TENM3: variants seen among roughly 807,000 people sequenced by gnomAD.
TENM3 encodes teneurin-3.
A neutral mutation model predicts 255.1 loss-of-function variants in TENM3; 63 were observed. The ratio of observed to expected loss-of-function variants is 0.25; its 90% CI spans 0.20 to 0.30. The LOEUF (loss-of-function observed/expected upper bound fraction) is 0.30. Ranked by LOEUF, TENM3 falls within the 10% of genes least tolerant of loss-of-function variation. The pLI is 1.00. For missense variants in TENM3, 2,929 were observed against 3,461.1 expected (o/e 0.85, Z 3.86); for synonymous variants, 1,306 against 1,322.3 (o/e 0.99, Z 0.27).
At chr4:182,125,496 G>A in the TENM3 span, among the ~76,000 whole-genome samples, 11 of 152,264 alleles carry the variant, frequency 7.2e-5, no homozygotes, top group Admixed American at 2.0e-4. Flanking sequence ...AAATGCCACC[G>A]TAAAATGAAG....
At chr4:181,963,821 A>G in the TENM3 span, among the ~76,000 whole-genome samples, 1 of 152,178 alleles carries the variant, frequency 6.6e-6, no homozygotes, top group East Asian at 1.9e-4. Flanking sequence ...CATTTTAGGT[A>G]TTCACATGGA....
At chr4:182,332,283 A>G (rs1580186995) in intron 2 of TENM3, among the ~76,000 whole-genome samples, 2 of 152,356 alleles carry the variant, frequency 1.3e-5, no homozygotes, top group South Asian at 4.1e-4. Flanking sequence ...ATCAAGAGCA[A>G]TGAAAATTCT....
At chr4:182,755,609 C>A (rs1217370818) in intron 22 of TENM3, among the ~76,000 whole-genome samples, 1 of 151,974 alleles carries the variant, frequency 6.6e-6, no homozygotes, top group Admixed American at 6.5e-5. Flanking sequence ...GAGGCCGAGG[C>A]GGGCGGATCA....
the TENM3 span, among the ~76,000 whole-genome samples, chr4:181,548,496 C>T: frequency 5.5e-3 from 833 of 152,238 alleles, 7 homozygotes; most frequent in African/African-American, 0.019. Flanking sequence ...AAAATGATAT[C>T]CCAACTTTTT....
At chr4:182,606,253 G>T (rs1475096170) in intron 4 of TENM3, among the ~76,000 whole-genome samples, 2 of 152,156 alleles carry the variant, frequency 1.3e-5, no homozygotes, top group Non-Finnish European at 2.9e-5. Flanking sequence ...GCCGGGCGTG[G>T]TGGCTCACGC....
the TENM3 span, among the ~76,000 whole-genome samples, chr4:181,918,895 A>T: frequency 1.1e-4 from 17 of 152,318 alleles, no homozygotes; most frequent in South Asian, 3.5e-3. Context: ...ACAAAAAATA[A>T]ATAATAAATT....
chr4:182,483,717 G>A (rs2151529872), intron 3 of TENM3, among the ~76,000 whole-genome samples: 1 of 152,208 alleles, frequency 6.6e-6, no homozygotes, highest in South Asian at 2.1e-4. Flanking sequence ...AAGAAAAGGG[G>A]TTTCATTGGC....
At chr4:181,537,668 A>T in the TENM3 span, among the ~76,000 whole-genome samples, 1,390 of 152,312 alleles carry the variant, frequency 9.1e-3, 22 homozygotes, top group African/African-American at 0.031. Context: ...CATTAACTTG[A>T]TTTTACAGTT....
At chr4:182,527,046 G>A (rs1739275527) in intron 3 of TENM3, among the ~76,000 whole-genome samples, 1 of 151,828 alleles carries the variant, frequency 6.6e-6, no homozygotes, top group Non-Finnish European at 1.5e-5. Flanking sequence ...AATGAAATGT[G>A]GATAATTATA....
At chr4:182,543,572 G>T (rs968439493) in intron 3 of TENM3, among the ~76,000 whole-genome samples, 5 of 151,934 alleles carry the variant, frequency 3.3e-5, no homozygotes, top group African/African-American at 1.2e-4. Flanking sequence ...CCTCATCTAG[G>T]CATCTGTTCC....
chr4:182,543,971 A>T (rs1741162131), intron 3 of TENM3, among the ~76,000 whole-genome samples: 1 of 152,172 alleles, frequency 6.6e-6, no homozygotes, highest in Non-Finnish European at 1.5e-5. Flanking sequence ...TAAGAACCAG[A>T]ATATTGTGTA....
In TENM3 at chr4:182,614,726, C is replaced by T. The variant is rs1749313977; in HGVS notation, c.749+13565C>T. Among the ~76,000 whole-genome samples the T allele has an allele frequency of 3.3e-5, 5 of 152,260 alleles. No individual in the cohort carries two copies. The East Asian group carries it at 7.7e-4, about 24-fold the overall frequency. On this transcript the variant is annotated intron_variant, in intron 4 of 27. Coordinates refer to ENST00000511685, the MANE Select transcript of TENM3 (RefSeq NM_001080477.4). ...CTCTTTAAGTTCTCCTGCACACACTCTCGAAAGCATGTTTTAAAATTATTT... is the reference window on the plus strand; with the variant it reads ...CTCTTTAAGTTCTCCTGCACACACTTTCGAAAGCATGTTTTAAAATTATTT...
chr4:181,458,720 G>A, the TENM3 span, among the ~76,000 whole-genome samples: 19 of 151,674 alleles, frequency 1.3e-4, no homozygotes, highest in East Asian at 1.9e-4. Context: ...TTTCTTCCTT[G>A]CATGGTAATA....
At chr4:181,886,186 G>A in the TENM3 span, among the ~76,000 whole-genome samples, 1 of 151,938 alleles carries the variant, frequency 6.6e-6, no homozygotes, top group Non-Finnish European at 1.5e-5. Flanking sequence ...CTGAGTAGCT[G>A]GGACTACAGG....
chr4:182,256,070 T>G (rs17072936), intron 1 of TENM3, among the ~76,000 whole-genome samples: 42,300 of 152,064 alleles, frequency 0.28, 6,061 homozygotes, highest in Middle Eastern at 0.34. Context: ...TGCCCACTCT[T>G]CACTGTCTCT....
chr4:181,601,196 C>T, the TENM3 span, among the ~76,000 whole-genome samples: 2 of 152,298 alleles, frequency 1.3e-5, no homozygotes, highest in Middle Eastern at 3.4e-3. Context: ...AATTTATCTT[C>T]TCCCAGTTCT....
At chr4:182,317,652 T>G (rs1175889245) in intron 1 of TENM3, among the ~76,000 whole-genome samples, 1 of 152,094 alleles carries the variant, frequency 6.6e-6, no homozygotes, top group Non-Finnish European at 1.5e-5. Flanking sequence ...TAGATTCTCT[T>G]GTGTTCTACT....
the TENM3 span, among the ~76,000 whole-genome samples, chr4:181,831,780 T>C: frequency 1.5e-3 from 221 of 152,106 alleles, 1 homozygote; most frequent in African/African-American, 5.2e-3. Context: ...CCAGCTAATA[T>C]GTAATCAGTT....
chr4:182,314,173 C>T (rs912572826), intron 1 of TENM3, among the ~76,000 whole-genome samples: 2 of 152,004 alleles, frequency 1.3e-5, no homozygotes, highest in Non-Finnish European at 2.9e-5. Context: ...CTTTGGCAAG[C>T]GCCTGTAGTC....
Sources: allele counts gnomAD v4.1 joint callset (sites outside exome capture counted in the v4.1 genomes callset), GRCh38; gene constraint gnomAD v4.1.1; transcripts MANE v1.5; gene names NCBI Gene and HGNC (gene_info 2026-07-23, HGNC 2026-07-21).